ERC1: variants seen among roughly 807,000 people sequenced by gnomAD.
The protein encoded by ERC1 is RAB6 interacting protein 2.
ERC1 carries 56 observed loss-of-function variants against 132.0 expected under a neutral mutation model. That is an observed-to-expected ratio of 0.42 (90% CI 0.34 to 0.53). The LOEUF (loss-of-function observed/expected upper bound fraction) is 0.53. Ranked by LOEUF, ERC1 falls within the 20% of genes least tolerant of loss-of-function variation. The pLI is 0.03. For synonymous variants in ERC1, 478 were observed against 476.1 expected (o/e 1.00, Z -0.05); for missense variants, 1,202 against 1,349.9 (o/e 0.89, Z 1.72).
chr12:1,492,599 G>C lies in ERC1; in HGVS notation c.*2369G>C. On this transcript the variant is annotated 3_prime_UTR_variant, in exon 19 of 19. Coordinates refer to ENST00000360905, the MANE Select transcript of ERC1 (RefSeq NM_178040.4). ...AGCATTCTCCATCACTTCCCCTCCAGAAAAACGGATGGAAGGAAGCCCTCT... is the reference window on the plus strand; with the variant it reads ...AGCATTCTCCATCACTTCCCCTCCACAAAAACGGATGGAAGGAAGCCCTCT... 4.3e-6 allele frequency: 1 copy of C among 233,128 alleles called. No individual in the cohort carries two copies. The allele number at this position is 233,128 out of a possible 1,614,324, so 14.4% of individuals were successfully genotyped here.
At chr12:1,258,207 G>C (rs888917058) in intron 13 of ERC1, among the ~76,000 whole-genome samples, 16 of 152,148 alleles carry the variant, frequency 1.1e-4, no homozygotes, top group Admixed American at 9.8e-4. Flanking sequence ...CTAATTTCCA[G>C]ATGCTTCAGA....
chr12:1,430,783 A>G (rs1478696022), intron 17 of ERC1: 1 of 152,354 alleles, frequency 6.6e-6, no homozygotes, highest in Non-Finnish European at 1.5e-5. Flanking sequence ...TCAGCATGCC[A>G]TTGCAATCTG....
At chr12:1,312,278 A>G (rs1485927544) in intron 15 of ERC1, among the ~76,000 whole-genome samples, 8 of 152,180 alleles carry the variant, frequency 5.3e-5, no homozygotes, top group African/African-American at 1.9e-4. Context: ...TATCAAAGAA[A>G]ATCAGTTGCC....
chr12:1,454,342 G>A (rs2093486305), intron 18 of ERC1, among the ~76,000 whole-genome samples: 1 of 152,148 alleles, frequency 6.6e-6, no homozygotes, highest in African/African-American at 2.4e-5. Context: ...CATGAGTAAA[G>A]TGTTTCCCCA....
chr12:1,084,845 C>T (rs1388836317), intron 3 of ERC1, among the ~76,000 whole-genome samples: 2 of 151,826 alleles, frequency 1.3e-5, no homozygotes, highest in African/African-American at 4.8e-5. Context: ...GTGCATGCCA[C>T]CATGCATTGT....
intron 12 of ERC1, among the ~76,000 whole-genome samples, chr12:1,203,636 C>T (rs1418692555): frequency 6.6e-6 from 1 of 152,180 alleles, no homozygotes; most frequent in Non-Finnish European, 1.5e-5. Flanking sequence ...ACAATTTAGA[C>T]CATGAAGCTA....
Position 1,090,878 on chromosome 12 carries a change from A to ATTGTTGTTG in ERC1, c.1086+7300_1086+7301insGTTGTTGTT, listed in dbSNP as rs1565941594. 2.2e-4 allele frequency among the ~76,000 whole-genome samples: 4 copies of ATTGTTGTTG among 18,522 alleles called. 1 individual carries two copies. The highest frequency in any genetic ancestry group is 2.0e-3 in the Admixed American group (2 of 976). 12.2% of individuals were successfully genotyped at this position (18,522 alleles called of 152,430 possible). A position where few individuals can be genotyped will look rare whatever the true frequency, so the allele number is the denominator to read the frequency against. On this transcript the variant is annotated intron_variant, in intron 3 of 18. Coordinates refer to ENST00000360905, the MANE Select transcript of ERC1 (RefSeq NM_178040.4). Reference sequence around the variant, plus strand: ...TGTTGTTGTTGTTGTTATTATTATTATTATTATTATTATTATTATTATTAT... The same window carrying ATTGTTGTTG: ...TGTTGTTGTTGTTGTTATTATTATTATTGTTGTTGTTATTATTATTATTATTATTATTAT...
chr12:1,074,909 A>T (rs1051832151), intron 2 of ERC1, among the ~76,000 whole-genome samples: 1 of 152,066 alleles, frequency 6.6e-6, no homozygotes, highest in Non-Finnish European at 1.5e-5. Context: ...TAAACAATTT[A>T]ATCCATCCCT....
At chr12:1,097,800 T>C (rs1477027872) in intron 3 of ERC1, among the ~76,000 whole-genome samples, 1 of 151,664 alleles carries the variant, frequency 6.6e-6, no homozygotes, top group Non-Finnish European at 1.5e-5. Flanking sequence ...CTGTAACCTC[T>C]GCCCCCCAGG....
chr12:1,477,344 C>T (rs1333217349), intron 18 of ERC1, among the ~76,000 whole-genome samples: 1 of 152,154 alleles, frequency 6.6e-6, no homozygotes, highest in Non-Finnish European at 1.5e-5. Flanking sequence ...TTATCACCCT[C>T]CCCCCTTTTA....
At chr12:1,244,441 A>G (rs1311020283) in intron 13 of ERC1, 2 of 401,872 alleles carry the variant, frequency 5.0e-6, no homozygotes, top group African/African-American at 4.1e-5. Context: ...TAGTATTTCT[A>G]CGTTAAGTAT....
chr12:1,399,447 T>A (rs567039793), intron 16 of ERC1, among the ~76,000 whole-genome samples: 2 of 152,346 alleles, frequency 1.3e-5, no homozygotes, highest in East Asian at 3.9e-4. Flanking sequence ...AAGTATCTTT[T>A]TCTAGTATTA....
At chr12:1,273,637 G>T (rs960136584) in intron 14 of ERC1, among the ~76,000 whole-genome samples, 1 of 152,074 alleles carries the variant, frequency 6.6e-6, no homozygotes, top group Non-Finnish European at 1.5e-5. Context: ...CTGATATTTT[G>T]CTTTTATTTA....
chr12:1,172,506 T>C (rs2154266478), intron 8 of ERC1, among the ~76,000 whole-genome samples: 1 of 152,332 alleles, frequency 6.6e-6, no homozygotes, highest in East Asian at 1.9e-4. Context: ...TTGAGTTTAC[T>C]ACTCAATAAT....
At chr12:1,249,961 A>G (rs1464409623) in intron 13 of ERC1, among the ~76,000 whole-genome samples, 6 of 152,108 alleles carry the variant, frequency 3.9e-5, no homozygotes, top group East Asian at 1.9e-4. Flanking sequence ...TGACCTCCCA[A>G]AAGCTCCACC....
At chr12:1,055,655 A>C (rs1972815541) in intron 2 of ERC1, among the ~76,000 whole-genome samples, 1 of 152,250 alleles carries the variant, frequency 6.6e-6, no homozygotes, top group South Asian at 2.1e-4. Flanking sequence ...ATGTATGTAT[A>C]CAATGATCAA....
Position 1,483,668 on chromosome 12 carries a change from C to CTTTTTTTTTTTTTTTT in ERC1, c.3214-6402_3214-6387dup, listed in dbSNP as rs35596394. On this transcript the variant is annotated intron_variant, in intron 18 of 18. Transcript: ENST00000360905. ...CAAAACTCCTTCCAGCCACTGAGAG[C>CTTTTTTTTTTTTTTTT]TTTTTTTTTTTTTTTTTTTTTTTTT... 1.8e-4 allele frequency among the ~76,000 whole-genome samples: 10 copies of CTTTTTTTTTTTTTTTT among 55,220 alleles called. 3 individuals carry two copies. The highest frequency in any genetic ancestry group is 2.5e-4 in the Non-Finnish European group (7 of 28,118). The allele number at this position is 55,220 out of a possible 152,430, so 36.2% of individuals were successfully genotyped here. A position where few individuals can be genotyped will look rare whatever the true frequency, so the allele number is the denominator to read the frequency against.
intron 3 of ERC1, among the ~76,000 whole-genome samples, chr12:1,091,043 G>A (rs985093349): frequency 6.6e-5 from 10 of 151,990 alleles, no homozygotes; most frequent in Admixed American, 5.3e-4. Context: ...GACAACAGGC[G>A]TGCACAAGCT....
In ERC1 at chr12:1,011,269, G is replaced by A. The variant is rs1462359651; in HGVS notation, c.-156-16479G>A. ...GCTGGAGTGCAGTGTTGCCATCACC[G>A]CTCACTCTCACAGCAGCCTTGACCT... On this transcript the variant is annotated intron_variant, in intron 1 of 18. Coordinates refer to ENST00000360905, the MANE Select transcript of ERC1 (RefSeq NM_178040.4). 7.2e-5 allele frequency among the ~76,000 whole-genome samples: 11 copies of A among 152,166 alleles called. No homozygotes were observed. The East Asian group carries it at 2.1e-3, about 29-fold the overall frequency.
Sources: allele counts gnomAD v4.1 joint callset (sites outside exome capture counted in the v4.1 genomes callset), GRCh38; gene constraint gnomAD v4.1.1; transcripts MANE v1.5; gene names NCBI Gene and HGNC (gene_info 2026-07-23, HGNC 2026-07-21).